The following MISP variants were observed in gnomAD, a reference collection of about 807,000 sequenced individuals.
The protein encoded by MISP is mitotic spindle positioning.
Under a neutral mutation model 49.3 loss-of-function variants are expected in MISP, and 51 were observed. The ratio of observed to expected loss-of-function variants is 1.03; its 90% CI spans 0.83 to 1.31. The LOEUF is 1.31. MISP is among the 50% of genes most tolerant of loss of function. The pLI, the probability that MISP is intolerant of heterozygous loss-of-function variation, is 0.00. For synonymous variants in MISP, 444 were observed against 392.6 expected (o/e 1.13, Z -1.55); for missense variants, 1,084 against 935.1 (o/e 1.16, Z -2.08).
Position 763,474 on chromosome 19 carries a change from G to A in MISP, c.1951-27G>A, listed in dbSNP as rs76099318. ...TTGGGGGTGTGGTAGGACCTGGATCGGGGGAATTCATGCCTCCTTTTTGCA... is the reference window on the plus strand; with the variant it reads ...TTGGGGGTGTGGTAGGACCTGGATCAGGGGAATTCATGCCTCCTTTTTGCA... On this transcript the variant is annotated intron_variant, in intron 4 of 4. Transcript: ENST00000215582. 453 of 1,563,320 alleles carry A rather than the reference G, an allele frequency of 2.9e-4. 3 individuals carry two copies. The East Asian group carries it at 8.4e-3, about 29-fold the overall frequency.
chr19:756,905 C>T lies in MISP; in HGVS notation c.-42C>T. 1 of 1,457,160 alleles carries T rather than the reference C, an allele frequency of 6.9e-7. No homozygotes were observed. The highest frequency in any genetic ancestry group is 2.5e-5 in the East Asian group (1 of 40,172). 90.3% of individuals were successfully genotyped at this position (1,457,160 alleles called of 1,614,324 possible). A position where few individuals can be genotyped will look rare whatever the true frequency, so the allele number is the denominator to read the frequency against. The stretch of plus-strand genomic sequence containing the variant: ...CCTCCCTCAGTAAGCCCAGAGGTCT[C>T]CACCCCACGGGAGGAAGGCTGAGGC... On this transcript the variant is annotated 5_prime_UTR_variant, in exon 2 of 5. Coordinates refer to ENST00000215582, the MANE Select transcript of MISP (RefSeq NM_173481.4).
intron 3 of MISP, among the ~76,000 whole-genome samples, chr19:760,683 GAA>G (rs1394244217): frequency 1.4e-5 from 2 of 146,822 alleles, no homozygotes; most frequent in African/African-American, 4.9e-5. Context: ...TTACTTCTAA[GAA>G]AGAGAGAGAG....
At chr19:750,837 G>A (rs572390977), upstream of MISP, among the ~76,000 whole-genome samples, 19 of 152,304 alleles carry the variant, frequency 1.2e-4, no homozygotes, top group African/African-American at 1.7e-4. Flanking sequence ...CTCTCTGAGC[G>A]GTGCTGAGAG....
rs117425168 is a variant in MISP, at chr19:751,195, C to T, written c.-58+24C>T. ...AGGTGAGGCTGGGGGCGCCCCGGGC[C>T]GGGCCGGGCGGGGATCCTGTGTGGG... is the stretch of plus-strand genomic sequence containing the variant. On this transcript the variant is annotated intron_variant, in intron 1 of 4. Coordinates refer to ENST00000215582, the MANE Select transcript of MISP (RefSeq NM_173481.4). The T allele has an allele frequency of 9.9e-3, 1,515 of 152,318 alleles. 19 individuals are homozygous for T. Among genetic ancestry groups the T allele is most frequent in the South Asian group, 0.03 (144 of 4,812 alleles). 9.4% of individuals were successfully genotyped at this position (152,318 alleles called of 1,614,324 possible).
Position 757,957 on chromosome 19 carries a change from C to T in MISP, c.1011C>T (p.Ile337=). ...TRPLLTKLSL[I]TAPRRERGRP... ...CGCTGCTGACCAAGCTGAGCCTGATCACAGCCCCACGGCGGGAGAGAGGGC... is the reference window on the plus strand; with the variant it reads ...CGCTGCTGACCAAGCTGAGCCTGATTACAGCCCCACGGCGGGAGAGAGGGC... Residue 337 remains isoleucine, a synonymous_variant, in exon 2 of 5, where the codon ATC becomes ATT. Coordinates refer to ENST00000215582, the MANE Select transcript of MISP (RefSeq NM_173481.4). 6.3e-7 allele frequency: 1 copy of T among 1,592,500 alleles called. No individual in the cohort carries two copies.
In MISP at chr19:757,141, G is replaced by A. The variant is rs761803119; in HGVS notation, c.195G>A (p.Gly65=). Residue 65 remains glycine (G), a synonymous_variant, in exon 2 of 5, where the codon GGG becomes GGA. Transcript: ENST00000215582. Reference sequence around the variant, plus strand: ...CCCAGCAGGGCGTGCAGAGGCAGGGGGTGTCCTACAGCGTGCATGCCTACA... The same window carrying A: ...CCCAGCAGGGCGTGCAGAGGCAGGGAGTGTCCTACAGCGTGCATGCCTACA... ...HRAQQGVQRQ[G]VSYSVHAYTG... is the part of the protein sequence containing the mutation. The A allele has an allele frequency of 6.2e-6, 10 of 1,613,344 alleles. No individual in the cohort carries two copies. Among genetic ancestry groups the A allele is most frequent in the Non-Finnish European group, 8.5e-6 (10 of 1,179,916 alleles).
At position 757,121 on chromosome 19, in the gene MISP, C is replaced by T. The variant is rs770308167; in HGVS notation, c.175C>T (p.Gln59Ter). The change falls in exon 2 of 5, where the codon CAG (glutamine) becomes TAG (stop). Residue 59 changes from glutamine to a stop codon, truncating the protein, a stop_gained. Coordinates refer to ENST00000215582, the MANE Select transcript of MISP (RefSeq NM_173481.4). LOFTEE classifies it high-confidence loss of function. ...ATGGCCCACTGACCACAGGGCCCAGCAGGGCGTGCAGAGGCAGGGGGTGTC... is the reference window on the plus strand; with the variant it reads ...ATGGCCCACTGACCACAGGGCCCAGTAGGGCGTGCAGAGGCAGGGGGTGTC... ...QTWPTDHRAQ[Q>*]GVQRQGVSYS... 6.2e-6 allele frequency: 10 copies of T among 1,613,102 alleles called. No homozygotes were observed. Among genetic ancestry groups the T allele is most frequent in the Non-Finnish European group, 8.5e-6 (10 of 1,179,878 alleles).
rs1224662266 is a variant in MISP at position 757,120 on chromosome 19, G to A, written c.174G>A (p.Gln58=). The change falls in exon 2 of 5, where the codon CAG becomes CAA. Residue 58 remains glutamine (Q), a synonymous_variant. Transcript: ENST00000215582. The part of the protein sequence containing the change: ...PQTWPTDHRA[Q]QGVQRQGVSY... Reference sequence around the variant, plus strand: ...CATGGCCCACTGACCACAGGGCCCAGCAGGGCGTGCAGAGGCAGGGGGTGT... The same window carrying A: ...CATGGCCCACTGACCACAGGGCCCAACAGGGCGTGCAGAGGCAGGGGGTGT... 1 of 1,613,210 alleles carries A rather than the reference G, an allele frequency of 6.2e-7. No homozygotes were observed. The highest frequency in any genetic ancestry group is 1.7e-5 in the Admixed American group (1 of 60,010).
rs1327279113 is a variant in MISP at position 757,448 on chromosome 19, G to A, written c.502G>A (p.Gly168Arg). The A allele has an allele frequency of 8.8e-6, 14 of 1,592,806 alleles. No individual in the cohort carries two copies. Among genetic ancestry groups the A allele is most frequent in the Middle Eastern group, 1.7e-4 (1 of 6,022 alleles). ...CACGCTCCAGGGCACTCCTGACCACGGAGACCCCAGGACCCCCGGCCCACC... is the reference window on the plus strand; with the variant it reads ...CACGCTCCAGGGCACTCCTGACCACAGAGACCCCAGGACCCCCGGCCCACC... Reference protein sequence around the residue: ...VATLQGTPDHGDPRTPGPPRS... With the variant: ...VATLQGTPDHRDPRTPGPPRS... Residue 168 changes from glycine (G) to arginine (R), a missense_variant, in exon 2 of 5, where the codon GGA (glycine) becomes AGA (arginine). By Grantham distance (125) the Gly-to-Arg change is moderately radical. Coordinates refer to ENST00000215582, the MANE Select transcript of MISP (RefSeq NM_173481.4).
At chr19:753,750 G>GC (rs1438282740) in intron 1 of MISP, among the ~76,000 whole-genome samples, 1 of 151,764 alleles carries the variant, frequency 6.6e-6, no homozygotes, top group East Asian at 2.0e-4. Flanking sequence ...AGCCTTGGTG[G>GC]CCCGGGAGCG....
chr19:757,429 C>T lies in MISP; in HGVS notation c.483C>T (p.Leu161=), dbSNP rs779862605. ...AVRKSSTVAT[L]QGTPDHGDPR... The stretch of plus-strand genomic sequence containing the variant: ...GGAAGAGCAGCACCGTGGCCACGCT[C>T]CAGGGCACTCCTGACCACGGAGACC... The change falls in exon 2 of 5, where the codon CTC becomes CTT. Residue 161 remains leucine (L), a synonymous_variant. Transcript: ENST00000215582. The T allele has an allele frequency of 8.8e-6, 14 of 1,596,868 alleles. No individual in the cohort carries two copies. In the Admixed American group the frequency reaches 1.8e-4, roughly 20 times the overall value.
At position 756,975 on chromosome 19, in the gene MISP, TG is replaced by T; in HGVS notation, c.32del (p.Gly11AlafsTer111). ...GACCGCGTGACCAGATACCCCATCC[TG>T]GGCATCCCTCAGGCACACCGTGGCA... The part of the protein sequence containing the change: MDRVTRYPI[L>X]GIPQAHRGTG... On this transcript the variant is annotated frameshift_variant, in exon 2 of 5. Coordinates refer to ENST00000215582, the MANE Select transcript of MISP (RefSeq NM_173481.4). LOFTEE classifies it high-confidence loss of function. 1 of 1,585,060 alleles carries T rather than the reference TG, an allele frequency of 6.3e-7. No individual in the cohort carries two copies. The highest frequency in any genetic ancestry group is 8.6e-7 in the Non-Finnish European group (1 of 1,162,770).
rs2033557389 is a variant in MISP at position 756,885 on chromosome 19, C to T, written c.-57-5C>T. 9.4e-6 allele frequency: 13 copies of T among 1,377,446 alleles called. No homozygotes were observed. The highest frequency in any genetic ancestry group is 1.9e-4 in the Middle Eastern group (1 of 5,398). The allele number at this position is 1,377,446 out of a possible 1,614,324, so 85.3% of individuals were successfully genotyped here. A position where few individuals can be genotyped will look rare whatever the true frequency, so the allele number is the denominator to read the frequency against. On this transcript the variant is annotated splice_polypyrimidine_tract_variant and splice_region_variant and intron_variant, in intron 1 of 4. Coordinates refer to ENST00000215582, the MANE Select transcript of MISP (RefSeq NM_173481.4). ...GATGGCCCTCATTTCCTTCTCCTCC[C>T]TCAGTAAGCCCAGAGGTCTCCACCC...
intron 4 of MISP, among the ~76,000 whole-genome samples, chr19:761,933 T>C (rs1009411694): frequency 4.0e-5 from 6 of 151,170 alleles, no homozygotes; most frequent in Non-Finnish European, 7.4e-5. Context: ...GCAATGTTGC[T>C]TTTTTTTTGT....
rs781240965 is a variant in MISP, at chr19:758,337, C to T, written c.1391C>T (p.Thr464Met). ...AAGGCTGCGACTTCACCAAAGGCCA[C>T]GATGTCCCCGAGGCATCTCTCAGAA... ...EAKAATSPKA[T>M]MSPRHLSESS... Residue 464 changes from threonine to methionine, a missense_variant, in exon 2 of 5, where the codon ACG (threonine) becomes ATG (methionine). Transcript: ENST00000215582. The T allele has an allele frequency of 3.3e-5, 53 of 1,614,028 alleles. No homozygotes were observed. Among genetic ancestry groups the T allele is most frequent in the Middle Eastern group, 3.3e-4 (2 of 6,082 alleles).
intron 1 of MISP, among the ~76,000 whole-genome samples, chr19:756,544 A>T (rs1031194514): frequency 3.3e-5 from 5 of 152,106 alleles, no homozygotes; most frequent in African/African-American, 1.2e-4. Context: ...AGAAGGTGGG[A>T]TGCTCTGATT....
chr19:749,540 C>A (rs1156929275), upstream of MISP, among the ~76,000 whole-genome samples: 1 of 152,168 alleles, frequency 6.6e-6, no homozygotes, highest in Non-Finnish European at 1.5e-5. Flanking sequence ...CCTTAAACAC[C>A]CCCATCTTGG....
chr19:760,257 G>T (rs2033651571), intron 3 of MISP, among the ~76,000 whole-genome samples: 1 of 151,764 alleles, frequency 6.6e-6, no homozygotes. Context: ...ATAAGCTGGG[G>T]TCTTTGTCCC....
chr19:748,544 TG>T (rs1555692459), upstream of MISP, among the ~76,000 whole-genome samples: 1 of 151,970 alleles, frequency 6.6e-6, no homozygotes, highest in Admixed American at 6.6e-5. Flanking sequence ...GGGGCTGCTG[TG>T]GGGGGGCAGG....
Sources: gnomAD v4.1 joint callset for allele counts (sites outside exome capture counted in the v4.1 genomes callset) on GRCh38, gnomAD v4.1.1 for gene constraint, MANE v1.5 for transcripts, NCBI Gene and HGNC (gene_info 2026-07-23, HGNC 2026-07-21) for gene names.